HPSE2: variants seen among roughly 807,000 people sequenced by gnomAD.
The protein encoded by HPSE2 is inactive heparanase-2.
HPSE2 carries 38 observed loss-of-function variants against 60.5 expected under a neutral mutation model. The ratio of observed to expected loss-of-function variants is 0.63; its 90% CI spans 0.48 to 0.82. The LOEUF is 0.82. Among genes scored for constraint, HPSE2 ranks in the 40% least tolerant of loss-of-function variants. The pLI is 0.00. For missense variants in HPSE2, 713 were observed against 740.4 expected (o/e 0.96, Z 0.43); for synonymous variants, 295 against 293.2 (o/e 1.01, Z -0.06).
At chr10:99,047,753 C>A in intron 3 of HPSE2, 1 of 855,476 alleles carries the variant, frequency 1.2e-6, no homozygotes, top group Non-Finnish European at 2.0e-6. Context: ...GAAGTTTGCC[C>A]AAAGGATGCT....
At chr10:98,864,325 T>C (rs1952532737) in intron 3 of HPSE2, among the ~76,000 whole-genome samples, 1 of 152,132 alleles carries the variant, frequency 6.6e-6, no homozygotes, top group Non-Finnish European at 1.5e-5. Context: ...ACTACACATA[T>C]ACTATATATC....
chr10:98,801,671 C>T (rs1260753440), intron 3 of HPSE2, among the ~76,000 whole-genome samples: 2 of 151,626 alleles, frequency 1.3e-5, no homozygotes, highest in African/African-American at 4.8e-5. Context: ...AACTATAAAA[C>T]ACTGATGAAA....
chr10:98,820,801 T>A (rs1358433548), intron 3 of HPSE2, among the ~76,000 whole-genome samples: 1 of 152,220 alleles, frequency 6.6e-6, no homozygotes, highest in Non-Finnish European at 1.5e-5. Flanking sequence ...ACAGCTTTAA[T>A]TAACTCTACA....
intron 3 of HPSE2, among the ~76,000 whole-genome samples, chr10:98,941,422 G>A (rs10160153): frequency 0.82 from 106,017 of 128,608 alleles, 45,674 homozygotes; most frequent in African/African-American, 0.94. Context: ...AATCACAAGC[G>A]TTCTTATACA....
At chr10:99,011,427 G>A (rs879144366) in intron 3 of HPSE2, among the ~76,000 whole-genome samples, 2 of 151,590 alleles carry the variant, frequency 1.3e-5, no homozygotes, top group South Asian at 2.1e-4. Context: ...ATGCTAAAAC[G>A]TATCAGTTTG....
At chr10:99,006,170 T>C (rs1956887978) in intron 3 of HPSE2, among the ~76,000 whole-genome samples, 1 of 152,080 alleles carries the variant, frequency 6.6e-6, no homozygotes. Flanking sequence ...GGGATGGTCC[T>C]GGGAACTGAG....
intron 7 of HPSE2, among the ~76,000 whole-genome samples, chr10:98,629,584 C>T (rs894319662): frequency 6.6e-6 from 1 of 152,322 alleles, no homozygotes; most frequent in Admixed American, 6.5e-5. Context: ...CACTGCCCCT[C>T]CCTGAGTTCT....
intron 3 of HPSE2, among the ~76,000 whole-genome samples, chr10:99,132,136 A>G (rs910610584): frequency 1.5e-5 from 1 of 65,842 alleles, no homozygotes; most frequent in African/African-American, 3.6e-5. Flanking sequence ...AAGAAAGGAA[A>G]GAAAGAAAGG....
intron 2 of HPSE2, among the ~76,000 whole-genome samples, chr10:99,164,949 G>A (rs1847012977): frequency 6.6e-6 from 1 of 152,014 alleles, no homozygotes; most frequent in South Asian, 2.1e-4. Context: ...TGGGCATGGT[G>A]GCGCACGCCT....
chr10:98,837,574 G>C (rs1951817731), intron 3 of HPSE2, among the ~76,000 whole-genome samples: 1 of 152,116 alleles, frequency 6.6e-6, no homozygotes, highest in African/African-American at 2.4e-5. Context: ...GGATCTAAGA[G>C]GAATACAAAG....
chr10:98,840,650 T>C (rs1043318387), intron 3 of HPSE2, among the ~76,000 whole-genome samples: 9 of 152,186 alleles, frequency 5.9e-5, no homozygotes, highest in African/African-American at 2.2e-4. Flanking sequence ...CAAATTCTCA[T>C]GCCTTAGTGG....
chr10:98,763,791 A>C (rs1307572148), intron 3 of HPSE2, among the ~76,000 whole-genome samples: 1 of 152,024 alleles, frequency 6.6e-6, no homozygotes, highest in Non-Finnish European at 1.5e-5. Context: ...GAAAAAAAAA[A>C]AACTAGTAGA....
At chr10:98,853,820 A>G (rs1236515569) in intron 3 of HPSE2, among the ~76,000 whole-genome samples, 2 of 152,150 alleles carry the variant, frequency 1.3e-5, no homozygotes, top group African/African-American at 4.8e-5. Flanking sequence ...TCTGAGCTTC[A>G]GTTACTTATC....
intron 3 of HPSE2, among the ~76,000 whole-genome samples, chr10:98,760,653 A>G (rs1217497329): frequency 6.6e-6 from 1 of 152,086 alleles, no homozygotes; most frequent in Non-Finnish European, 1.5e-5. Flanking sequence ...ATCTCACTTG[A>G]TCATGATAAA....
At chr10:98,889,475 T>A (rs1188523991) in intron 3 of HPSE2, among the ~76,000 whole-genome samples, 1 of 152,112 alleles carries the variant, frequency 6.6e-6, no homozygotes, top group East Asian at 1.9e-4. Context: ...CCCAAAGTGC[T>A]GGGATTACAG....
chr10:98,708,169 A>G (rs1044386078), intron 5 of HPSE2, among the ~76,000 whole-genome samples: 2 of 152,124 alleles, frequency 1.3e-5, no homozygotes, highest in African/African-American at 4.8e-5. Flanking sequence ...TATTTAAAAA[A>G]TTTCAGGCCG....
chr10:99,125,694 G>C (rs1189066294), intron 3 of HPSE2, among the ~76,000 whole-genome samples: 4 of 152,174 alleles, frequency 2.6e-5, no homozygotes, highest in Admixed American at 6.5e-5. Context: ...ATCCCCAATG[G>C]GGAATCTGAA....
intron 3 of HPSE2, among the ~76,000 whole-genome samples, chr10:98,987,231 G>A (rs962789954): frequency 3.3e-5 from 5 of 151,862 alleles, no homozygotes; most frequent in Admixed American, 6.6e-5. Flanking sequence ...AATGAACATC[G>A]ACGCAAAAAT....
At position 98,600,905 on chromosome 10, in the gene HPSE2, G is replaced by GTGTA. The variant is rs1245722309; in HGVS notation, c.1320+13998_1320+13999insTACA. On this transcript the variant is annotated intron_variant, in intron 9 of 11. Transcript: ENST00000370552. ...TATACATATATACGTATATATATGT[G>GTGTA]TGTGTGTATATATATATATATATAT... is the stretch of plus-strand genomic sequence containing the variant. Among the ~76,000 whole-genome samples, 68 of 23,058 alleles carry GTGTA rather than the reference G, an allele frequency of 2.9e-3. 1 individual carries two copies. The highest frequency in any genetic ancestry group is 9.8e-3 in the Non-Finnish European group (65 of 6,624). 15.1% of individuals were successfully genotyped at this position (23,058 alleles called of 152,430 possible). A position where few individuals can be genotyped will look rare whatever the true frequency, so the allele number is the denominator to read the frequency against.
Sources: allele counts gnomAD v4.1 joint callset (sites outside exome capture counted in the v4.1 genomes callset), GRCh38; gene constraint gnomAD v4.1.1; transcripts MANE v1.5; gene names NCBI Gene and HGNC (gene_info 2026-07-23, HGNC 2026-07-21).